CPSF2: variants seen among roughly 807,000 people sequenced by gnomAD.
CPSF2 encodes cleavage and polyadenylation specific factor 2.
Under a neutral mutation model 84.2 loss-of-function variants are expected in CPSF2, and 51 were observed. The observed-to-expected ratio is 0.61, with a 90% CI of 0.48 to 0.77. The LOEUF (loss-of-function observed/expected upper bound fraction) is 0.77. CPSF2 is among the 30% of genes least tolerant of loss of function. The pLI, the probability that CPSF2 is intolerant of heterozygous loss-of-function variation, is 0.00. For synonymous variants in CPSF2, 286 were observed against 311.9 expected (o/e 0.92, Z 0.87); for missense variants, 641 against 929.4 (o/e 0.69, Z 4.03).
intron 1 of CPSF2, 164 bp downstream of exon 1, chr14:92,122,292 G>A (rs2068780473): frequency 4.5e-6 from 1 of 224,244 alleles, no homozygotes; most frequent in Non-Finnish European, 9.1e-6. Context: ...AGTGGTCAGC[G>A]AGGGAAAGAG....
intron 6 of CPSF2, 122 bp downstream of exon 6, chr14:92,135,618 C>T: frequency 1.1e-6 from 1 of 871,718 alleles, no homozygotes; most frequent in Non-Finnish European, 1.8e-6. Flanking sequence ...TTAAAACCGT[C>T]AAATAGGGAG....
At chr14:92,131,270 A>T in intron 3 of CPSF2, 137 bp downstream of exon 3, 1 of 592,592 alleles carries the variant, frequency 1.7e-6, no homozygotes, top group Non-Finnish European at 2.7e-6. Flanking sequence ...TATGCCAAAA[A>T]CCTATAGTGA....
intron 6 of CPSF2, among the ~76,000 whole-genome samples, chr14:92,136,200 A>C (rs922592223): frequency 6.6e-6 from 1 of 152,194 alleles, no homozygotes; most frequent in African/African-American, 2.4e-5. Context: ...TTATCTGTAC[A>C]TTAAGTTCAT....
intron 9 of CPSF2, 93 bp downstream of exon 9, chr14:92,143,387 A>G: frequency 1.1e-6 from 1 of 900,594 alleles, no homozygotes; most frequent in Non-Finnish European, 1.7e-6. Context: ...AAAACTTGAA[A>G]TTGTTTTAGG....
At chr14:92,125,580 T>G (rs967022457) in intron 1 of CPSF2, among the ~76,000 whole-genome samples, 2 of 152,092 alleles carry the variant, frequency 1.3e-5, no homozygotes, top group African/African-American at 4.8e-5. Flanking sequence ...TACTTGATAA[T>G]GAGTCTTAAA....
intron 9 of CPSF2, among the ~76,000 whole-genome samples, chr14:92,153,808 A>T (rs987679002): frequency 6.9e-6 from 1 of 144,868 alleles, no homozygotes; most frequent in African/African-American, 2.6e-5. Flanking sequence ...GGCTCAAGTG[A>T]TCTTCCACTT....
chr14:92,136,762 G>A (rs1348548803), intron 6 of CPSF2, among the ~76,000 whole-genome samples: 1 of 152,122 alleles, frequency 6.6e-6, no homozygotes, highest in East Asian at 1.9e-4. Flanking sequence ...AGTAACCGTG[G>A]CAAACTGCAG....
rs543134859 is a variant in CPSF2, at chr14:92,159,567, G to GT, written c.2121+286dup. ...CTAGTCGGCATGGTGGCATGCACCT[G>GT]TAATCTCAGCTTAGAAGGCTGAGGC... On this transcript the variant is annotated intron_variant, in intron 14 of 15. Coordinates refer to ENST00000298875, the MANE Select transcript of CPSF2 (RefSeq NM_017437.3). Among the ~76,000 whole-genome samples the GT allele has an allele frequency of 9.9e-5, 15 of 152,272 alleles. No individual in the cohort carries two copies. In the South Asian group the frequency reaches 2.9e-3, roughly 29 times the overall value.
rs746625455 is a variant in CPSF2, at chr14:92,159,054, A to T, written c.1893A>T (p.Ile631=). 1.8e-5 allele frequency: 29 copies of T among 1,614,082 alleles called. No homozygotes were observed. The Admixed American group carries it at 4.8e-4, about 27-fold the overall frequency. Residue 631 remains isoleucine, a synonymous_variant, in exon 14 of 16, where the codon ATA becomes ATT. Transcript: ENST00000298875. The part of the protein sequence containing the change: ...CKAKDAELAW[I]DGVLDMRVSK... Reference sequence around the variant, plus strand: ...CAAAAGATGCTGAATTAGCTTGGATAGATGGTGTCTTAGATATGAGAGTTT... The same window carrying T: ...CAAAAGATGCTGAATTAGCTTGGATTGATGGTGTCTTAGATATGAGAGTTT...
At position 92,157,576 on chromosome 14, in the gene CPSF2, GTTATATA is replaced by G; in HGVS notation, c.1596-80_1596-74del. Reference sequence around the variant, plus strand: ...ACATGTGTATTTCTCAAATCCTAGTGTTATATATTGTATACATGATAAAAGCCATTTT... The same window carrying G: ...ACATGTGTATTTCTCAAATCCTAGTGTTGTATACATGATAAAAGCCATTTT... On this transcript the variant is annotated intron_variant, in intron 12 of 15. Coordinates refer to ENST00000298875, the MANE Select transcript of CPSF2 (RefSeq NM_017437.3). The surrounding 1 kb of genome is among the most constrained non-coding windows in gnomAD (Gnocchi z 4.0). 3.8e-6 allele frequency: 3 copies of G among 795,284 alleles called. No individual in the cohort carries two copies. The highest frequency in any genetic ancestry group is 3.4e-4 in the Middle Eastern group (1 of 2,960). 49.3% of individuals were successfully genotyped at this position (795,284 alleles called of 1,614,324 possible). A position where few individuals can be genotyped will look rare whatever the true frequency, so the allele number is the denominator to read the frequency against.
chr14:92,164,418 G>A lies in CPSF2; in HGVS notation c.*2674G>A, dbSNP rs2069416962. The A allele has an allele frequency of 2.6e-5, 4 of 152,128 alleles. No homozygotes were observed. The highest frequency in any genetic ancestry group is 9.7e-5 in the African/African-American group (4 of 41,430). 9.4% of individuals were successfully genotyped at this position (152,128 alleles called of 1,614,324 possible). A position where few individuals can be genotyped will look rare whatever the true frequency, so the allele number is the denominator to read the frequency against. On this transcript the variant is annotated 3_prime_UTR_variant, in exon 16 of 16. Coordinates refer to ENST00000298875, the MANE Select transcript of CPSF2 (RefSeq NM_017437.3). The stretch of plus-strand genomic sequence containing the variant: ...CTAAAATTTCTCAAATGAAGACTTT[G>A]TTTTAGCTTCAATTACTTCAGAAAA...
At chr14:92,135,260 A>G (rs576318811) in intron 5 of CPSF2, 107 bp from the exon 6 acceptor site, 2 of 977,702 alleles carry the variant, frequency 2.0e-6, no homozygotes, top group African/African-American at 1.7e-5. Flanking sequence ...TGAAATTTGT[A>G]TTATTGCATA....
chr14:92,155,213 A>C lies in CPSF2; in HGVS notation c.1332A>C (p.Lys444Asn). ...AGACGAAGCATGACTTGATGATGAA[A>C]GGTGAAGGCAGTCGTAAAGGAAGTT... is the stretch of plus-strand genomic sequence containing the variant. ...AHKTKHDLMMKGEGSRKGSFF... is the reference protein window; with the variant it reads ...AHKTKHDLMMNGEGSRKGSFF... The change falls in exon 11 of 16, where the codon AAA becomes AAC. Residue 444 changes from lysine to asparagine, a missense_variant. By Grantham distance (94) the Lys-to-Asn change is moderately conservative. This residue lies in a region of CPSF2 where 430 missense variants were observed against 553.6 expected (regional missense o/e 0.78). Transcript: ENST00000298875. 1 of 1,614,046 alleles carries C rather than the reference A, an allele frequency of 6.2e-7. No individual in the cohort carries two copies. The highest frequency in any genetic ancestry group is 1.1e-5 in the South Asian group (1 of 91,078).
intron 9 of CPSF2, among the ~76,000 whole-genome samples, chr14:92,149,821 G>A (rs34020347): frequency 0.31 from 47,062 of 151,240 alleles, 8,054 homozygotes; most frequent in East Asian, 0.68. Flanking sequence ...ACGCCTGGCT[G>A]ATTTTTTGTA....
chr14:92,127,454 A>G (rs534287110), intron 2 of CPSF2, among the ~76,000 whole-genome samples: 1 of 152,352 alleles, frequency 6.6e-6, no homozygotes, highest in South Asian at 2.1e-4. Context: ...AAACCTCTAT[A>G]CAACTTAAGC....
chr14:92,161,784 G>T lies in CPSF2; in HGVS notation c.*40G>T. The T allele has an allele frequency of 8.8e-7, 1 of 1,132,560 alleles. No homozygotes were observed. The allele number at this position is 1,132,560 out of a possible 1,614,324, so 70.2% of individuals were successfully genotyped here. On this transcript the variant is annotated 3_prime_UTR_variant, in exon 16 of 16. Transcript: ENST00000298875. ...AGAAGTATCTGCTTGACCTTTCTAA[G>T]AAAAAGGGATTCTTATCTTACTCTG... is the stretch of plus-strand genomic sequence containing the variant.
chr14:92,135,348 T>C lies in CPSF2; in HGVS notation c.416-19T>C, dbSNP rs1166481886. ...AGGGTTGTAAAAGAAATCTGAGTAT[T>C]GTTATCTTGTTGACATAGGTAAAGG... On this transcript the variant is annotated intron_variant, in intron 5 of 15. Transcript: ENST00000298875. 1 of 1,582,634 alleles carries C rather than the reference T, an allele frequency of 6.3e-7. No individual in the cohort carries two copies. The highest frequency in any genetic ancestry group is 8.6e-7 in the Non-Finnish European group (1 of 1,167,658).
In CPSF2 at chr14:92,134,107, T is replaced by A; in HGVS notation, c.246T>A (p.Cys82Ter). Residue 82 changes from cysteine to a stop codon, truncating the protein, a stop_gained, in exon 4 of 16, where the codon TGT (cysteine) becomes TGA (stop). Coordinates refer to ENST00000298875, the MANE Select transcript of CPSF2 (RefSeq NM_017437.3). LOFTEE classifies it high-confidence loss of function. ...CTGTCGGAAAGTTGGGTCTGAACTG[T>A]GCTATCTATGCAACCATTCCTGTTT... ...PYAVGKLGLN[C>*]AIYATIPVYK... 6.2e-7 allele frequency: 1 copy of A among 1,614,220 alleles called. No individual in the cohort carries two copies. The highest frequency in any genetic ancestry group is 8.5e-7 in the Non-Finnish European group (1 of 1,180,016).
chr14:92,159,028 G>A lies in CPSF2; in HGVS notation c.1867G>A (p.Ala623Thr). 6 of 1,614,028 alleles carry A rather than the reference G, an allele frequency of 3.7e-6. No individual in the cohort carries two copies. Among genetic ancestry groups the A allele is most frequent in the Non-Finnish European group, 5.1e-6 (6 of 1,179,940 alleles). Reference sequence around the variant, plus strand: ...TGTCAGCTCTCTTCAGTTTTGTAAGGCAAAAGATGCTGAATTAGCTTGGAT... The same window carrying A: ...TGTCAGCTCTCTTCAGTTTTGTAAGACAAAAGATGCTGAATTAGCTTGGAT... ...SLVSSLQFCK[A>T]KDAELAWIDG... Residue 623 changes from alanine (A) to threonine (T), a missense_variant, in exon 14 of 16, where the codon GCA (alanine) becomes ACA (threonine). Physicochemically the swap from Ala to Thr is moderately conservative, Grantham distance 58. Around this residue, in one of 2 missense-constraint regions of CPSF2, gnomAD observed 430 missense variants for 553.6 expected, o/e 0.78. Transcript: ENST00000298875.
Sources: gnomAD v4.1 joint callset for allele counts (sites outside exome capture counted in the v4.1 genomes callset) on GRCh38, gnomAD v4.1.1 for gene constraint, gnomAD v4.1.1 regional missense constraint, Gnocchi (gnomAD v3.1) non-coding constraint, MANE v1.5 for transcripts, NCBI Gene and HGNC (gene_info 2026-07-23, HGNC 2026-07-21) for gene names.